Variants in LPP observed in about 807,000 individuals in gnomAD.
LPP encodes the protein lipoma-preferred partner.
In LPP, 38 loss-of-function variants were observed where a neutral mutation model predicts 60.4. The observed-to-expected ratio is 0.63, with a 90% CI of 0.49 to 0.83. The LOEUF is 0.83. LPP is among the 40% of genes least tolerant of loss of function. The probability of loss-of-function intolerance (pLI) is 0.00; values close to 1 mark genes in which losing one functional copy is unlikely to be tolerated. For missense variants in LPP, 902 were observed against 783.6 expected (o/e 1.15, Z -1.80); for synonymous variants, 328 against 290.8 (o/e 1.13, Z -1.30).
chr3:188,714,409 G>A (rs1712918772), intron 8 of LPP, among the ~76,000 whole-genome samples: 1 of 152,122 alleles, frequency 6.6e-6, no homozygotes, highest in South Asian at 2.1e-4. Context: ...ACATGGCTGA[G>A]GTACATACAT....
Position 188,259,140 on chromosome 3 carries a change from T to C in LPP, c.-67+33613T>C, listed in dbSNP as rs530042149. Among the ~76,000 whole-genome samples the C allele has an allele frequency of 2.0e-5, 3 of 151,080 alleles. No individual in the cohort carries two copies. In the East Asian group the frequency reaches 5.8e-4, roughly 29 times the overall value. On this transcript the variant is annotated intron_variant, in intron 2 of 11. Transcript: ENST00000617246. ...TCCAGAACATACTATGGCTTGTTTATACTAGCTTGAATATTTGTAGTCTCT... is the reference window on the plus strand; with the variant it reads ...TCCAGAACATACTATGGCTTGTTTACACTAGCTTGAATATTTGTAGTCTCT...
At chr3:188,407,978 G>A (rs1465312349) in intron 4 of LPP, among the ~76,000 whole-genome samples, 1 of 151,816 alleles carries the variant, frequency 6.6e-6, no homozygotes, top group Non-Finnish European at 1.5e-5. Context: ...AGTAGAGATG[G>A]CGTTTCTCCA....
intron 7 of LPP, among the ~76,000 whole-genome samples, chr3:188,696,961 A>G (rs2149532283): frequency 1.3e-5 from 2 of 152,276 alleles, no homozygotes; most frequent in South Asian, 4.1e-4. Context: ...CTGCTCGTGT[A>G]CTCTAGAAAC....
chr3:188,840,289 T>C (rs2151721700), intron 9 of LPP, among the ~76,000 whole-genome samples: 1 of 152,266 alleles, frequency 6.6e-6, no homozygotes, highest in Middle Eastern at 3.4e-3. Context: ...GAATTTGGGG[T>C]CACTGGAAGC....
chr3:188,737,538 C>T (rs1369580845), intron 8 of LPP, among the ~76,000 whole-genome samples: 1 of 152,144 alleles, frequency 6.6e-6, no homozygotes, highest in Non-Finnish European at 1.5e-5. Context: ...TGGAAGAGAG[C>T]TAAGAAACTT....
chr3:188,311,651 T>C (rs1164073408), intron 2 of LPP, among the ~76,000 whole-genome samples: 4 of 11,020 alleles, frequency 3.6e-4, no homozygotes, highest in Admixed American at 1.2e-3. Flanking sequence ...TTTTTTCTGT[T>C]TTTTTTCTGT....
intron 4 of LPP, among the ~76,000 whole-genome samples, chr3:188,430,490 T>C (rs1272592850): frequency 6.6e-6 from 1 of 152,182 alleles, no homozygotes; most frequent in Non-Finnish European, 1.5e-5. Flanking sequence ...TATCAGTTAA[T>C]TGGAAAAGTG....
At chr3:188,562,599 T>TCAGC (rs1476266130) in intron 6 of LPP, among the ~76,000 whole-genome samples, 1 of 152,038 alleles carries the variant, frequency 6.6e-6, no homozygotes, top group Non-Finnish European at 1.5e-5. Flanking sequence ...GATTACTGTG[T>TCAGC]CAGCCTGCCA....
chr3:188,394,018 G>A (rs1780315823), intron 3 of LPP, among the ~76,000 whole-genome samples: 1 of 152,038 alleles, frequency 6.6e-6, no homozygotes, highest in Admixed American at 6.6e-5. Flanking sequence ...TTTATACTTG[G>A]GGTTTTGTTT....
At chr3:188,394,270 G>A (rs192837107) in intron 3 of LPP, among the ~76,000 whole-genome samples, 130 of 152,316 alleles carry the variant, frequency 8.5e-4, no homozygotes, top group Non-Finnish European at 1.6e-3. Flanking sequence ...ATTCTAGAGG[G>A]CACAGGTAGG....
chr3:188,232,279 C>T (rs1367582255), intron 2 of LPP, among the ~76,000 whole-genome samples: 1 of 152,112 alleles, frequency 6.6e-6, no homozygotes, highest in Non-Finnish European at 1.5e-5. Flanking sequence ...ATGTGGCTGG[C>T]CAGAACGTGA....
At chr3:188,339,562 T>C (rs574383006) in intron 2 of LPP, among the ~76,000 whole-genome samples, 2 of 152,262 alleles carry the variant, frequency 1.3e-5, no homozygotes, top group East Asian at 1.9e-4. Context: ...AGGCACCTTC[T>C]TCACAGGGCG....
chr3:188,237,642 A>T (rs1226786435), intron 2 of LPP, among the ~76,000 whole-genome samples: 1 of 152,102 alleles, frequency 6.6e-6, no homozygotes, highest in Non-Finnish European at 1.5e-5. Flanking sequence ...AGGTATGAGA[A>T]GAAATATTTT....
Position 188,438,220 on chromosome 3 carries a change from G to T in LPP, c.193+31907G>T, listed in dbSNP as rs182912238. Among the ~76,000 whole-genome samples, 627 of 152,252 alleles carry T rather than the reference G, an allele frequency of 4.1e-3. 3 individuals carry two copies. Among genetic ancestry groups the T allele is most frequent in the African/African-American group, 0.014 (581 of 41,546 alleles). On this transcript the variant is annotated intron_variant, in intron 4 of 11. Coordinates refer to ENST00000617246, the MANE Select transcript of LPP (RefSeq NM_001375462.1). Reference sequence around the variant, plus strand: ...TGGTTAGAATGTATGACCAGTCATAGCTGTGTAACTGAGGAACTGATTATA... The same window carrying T: ...TGGTTAGAATGTATGACCAGTCATATCTGTGTAACTGAGGAACTGATTATA...
intron 4 of LPP, among the ~76,000 whole-genome samples, chr3:188,408,981 G>GA: frequency 6.6e-6 from 1 of 152,178 alleles, no homozygotes; most frequent in South Asian, 2.1e-4. Context: ...GAAGCAACAA[G>GA]ACATGGTTTC....
rs1404351316 is a variant in LPP at position 188,352,770 on chromosome 3, T to C, written c.-10+11051T>C. 6.6e-6 allele frequency among the ~76,000 whole-genome samples: 1 copy of C among 152,100 alleles called. No homozygotes were observed. The highest frequency in any genetic ancestry group is 1.9e-4 in the East Asian group (1 of 5,180). The stretch of plus-strand genomic sequence containing the variant: ...TCCTGAAAGCTGCAGAGGGATGGGC[T>C]GGTGACACTGCCGTGCCTAGGAGTG... On this transcript the variant is annotated intron_variant, in intron 3 of 11. Transcript: ENST00000617246. The surrounding 1 kb of genome is among the most constrained non-coding windows in gnomAD (Gnocchi z 4.4).
At chr3:188,493,830 G>T (rs1351895350) in intron 5 of LPP, among the ~76,000 whole-genome samples, 1 of 151,886 alleles carries the variant, frequency 6.6e-6, no homozygotes. Context: ...TATGGAATTG[G>T]ATTTCTTCTC....
At chr3:188,584,632 G>A (rs1451716672) in intron 6 of LPP, 5 of 149,776 alleles carry the variant, frequency 3.3e-5, no homozygotes, top group Admixed American at 3.3e-4. Context: ...TTTAAATTAT[G>A]TTTTTTTACT....
chr3:188,320,974 T>C (rs1412567968), intron 2 of LPP, among the ~76,000 whole-genome samples: 1 of 152,228 alleles, frequency 6.6e-6, no homozygotes, highest in African/African-American at 2.4e-5. Flanking sequence ...TTTTCGGTAG[T>C]AATCCTTGGT....
Sources: gnomAD v4.1 joint callset for allele counts (sites outside exome capture counted in the v4.1 genomes callset) on GRCh38, gnomAD v4.1.1 for gene constraint, Gnocchi (gnomAD v3.1) non-coding constraint, MANE v1.5 for transcripts, NCBI Gene and HGNC (gene_info 2026-07-23, HGNC 2026-07-21) for gene names.